Variants in SEC14L1 observed in about 807,000 individuals in gnomAD.
SEC14L1 encodes the protein SEC14-like protein 1.
SEC14L1 carries 48 observed loss-of-function variants against 85.3 expected under a neutral mutation model. That is an observed-to-expected ratio of 0.56 (90% confidence interval 0.45 to 0.72). The LOEUF (loss-of-function observed/expected upper bound fraction) is 0.72. Among genes scored for constraint, SEC14L1 ranks in the 30% least tolerant of loss-of-function variants. The pLI, the probability that SEC14L1 is intolerant of heterozygous loss-of-function variation, is 0.00. For missense variants in SEC14L1, 682 were observed against 921.4 expected, an observed-to-expected ratio of 0.74 and a Z score of 3.36; for synonymous variants, 391 against 355.5, an observed-to-expected ratio of 1.10 and a Z score of -1.12.
Position 77,215,673 on chromosome 17 carries a change from G to C in SEC14L1, c.*1650G>C. 1.0e-6 allele frequency: 1 copy of C among 992,404 alleles called. No individual in the cohort carries two copies. The highest frequency in any genetic ancestry group is 1.2e-6 in the Non-Finnish European group (1 of 833,326). The allele number at this position is 992,404 out of a possible 1,614,324, so 61.5% of individuals were successfully genotyped here. ...ATTTGTGTTTGCTCTTAGAGATCGA[G>C]CTCCTCAGTGGTACCTGAAGCCTTT... On this transcript the variant is annotated 3_prime_UTR_variant, in exon 17 of 17. Transcript: ENST00000436233.
chr17:77,177,941 G>A (rs1234532091), intron 3 of SEC14L1, among the ~76,000 whole-genome samples: 1 of 152,098 alleles, frequency 6.6e-6, no homozygotes, highest in Non-Finnish European at 1.5e-5. Context: ...TTGGGGGACA[G>A]AGTTGGGGGT....
chr17:77,134,400 C>T (rs1972724332), intron 3 of SEC14L1, among the ~76,000 whole-genome samples: 1 of 152,038 alleles, frequency 6.6e-6, no homozygotes, highest in Non-Finnish European at 1.5e-5. Flanking sequence ...TAGATGCGAG[C>T]CACCATGACC....
intron 3 of SEC14L1, among the ~76,000 whole-genome samples, chr17:77,124,184 C>A (rs1261928326): frequency 6.6e-6 from 1 of 152,082 alleles, no homozygotes; most frequent in Non-Finnish European, 1.5e-5. Context: ...GGCAACATGG[C>A]AAGACACTGT....
chr17:77,101,605 C>A (rs1197343053), intron 3 of SEC14L1, among the ~76,000 whole-genome samples: 1 of 152,214 alleles, frequency 6.6e-6, no homozygotes, highest in Admixed American at 6.5e-5. Flanking sequence ...GCTTCCCAAA[C>A]AATTTGCAAA....
At chr17:77,207,542 C>T (rs1976528853) in intron 13 of SEC14L1, among the ~76,000 whole-genome samples, 3 of 152,126 alleles carry the variant, frequency 2.0e-5, no homozygotes, top group African/African-American at 7.2e-5. Flanking sequence ...GCCTCCGCCT[C>T]CCAGATTCAA....
intron 2 of SEC14L1, among the ~76,000 whole-genome samples, chr17:77,090,322 A>G (rs1177652260): frequency 2.0e-5 from 3 of 151,666 alleles, no homozygotes; most frequent in Non-Finnish European, 2.9e-5. Flanking sequence ...AATTCAAGCC[A>G]AAGTGAGTGC....
intron 3 of SEC14L1, 29 bp downstream of exon 3, chr17:77,143,688 T>G (rs1456884524): frequency 1.3e-6 from 2 of 1,503,836 alleles, no homozygotes; most frequent in Admixed American, 3.4e-5. Flanking sequence ...AATTTACTCT[T>G]TGGCTTCTTA....
chr17:77,106,346 A>G (rs1971914669), intron 3 of SEC14L1, among the ~76,000 whole-genome samples: 1 of 152,176 alleles, frequency 6.6e-6, no homozygotes. Context: ...AGCCTGGCCA[A>G]TATGGTGAAA....
intron 9 of SEC14L1, among the ~76,000 whole-genome samples, chr17:77,201,240 G>A (rs955333399): frequency 3.9e-5 from 6 of 152,064 alleles, no homozygotes; most frequent in Non-Finnish European, 5.9e-5. Flanking sequence ...AGGAAGACCT[G>A]CACTGTCAAA....
rs1977093167 is a variant in SEC14L1, at chr17:77,216,370, AGTAG to A, written c.*2353_*2356del. 9 of 1,331,694 alleles carry A rather than the reference AGTAG, an allele frequency of 6.8e-6. 1 individual carries two copies. The highest frequency in any genetic ancestry group is 3.6e-5 in the Admixed American group (1 of 27,464). 82.5% of individuals were successfully genotyped at this position (1,331,694 alleles called of 1,614,324 possible). ...GTAGGTAGGGCTAGTAGGTAGGGCT[AGTAG>A]GTAGGGCTAGTAGGTAGGGCTAGTA... is the stretch of plus-strand genomic sequence containing the variant. On this transcript the variant is annotated 3_prime_UTR_variant, in exon 17 of 17. Transcript: ENST00000436233.
chr17:77,145,255 A>G (rs1242593793), intron 3 of SEC14L1, among the ~76,000 whole-genome samples: 1 of 151,750 alleles, frequency 6.6e-6, no homozygotes, highest in Non-Finnish European at 1.5e-5. Flanking sequence ...TGGCCTTCCA[A>G]AGTGCTGGGA....
chr17:77,118,043 C>T (rs771201944), intron 3 of SEC14L1, among the ~76,000 whole-genome samples: 7 of 152,214 alleles, frequency 4.6e-5, no homozygotes, highest in African/African-American at 7.2e-5. Context: ...AACTGGACAG[C>T]GGGAATCATT....
In SEC14L1 at chr17:77,213,998, A is replaced by T. The variant is rs1369928142; in HGVS notation, c.2123A>T (p.His708Leu). ...GCCACCACCTCCTCCAGCCAGTCCC[A>T]CTCCAGCTCCATGATCTCCAGGTAG... ...SAATTSSSQS[H>L]SSSMISR is the part of the protein sequence containing the mutation. Residue 708 changes from histidine (H) to leucine (L), a missense_variant, in exon 17 of 17, where the codon CAC becomes CTC. This residue lies in a region of SEC14L1 where 420 missense variants were observed against 619.5 expected (regional missense o/e 0.68). Transcript: ENST00000436233. The surrounding 1 kb of genome is among the most constrained non-coding windows in gnomAD (Gnocchi z 7.1). 1.2e-6 allele frequency: 2 copies of T among 1,612,776 alleles called. No individual in the cohort carries two copies. Among genetic ancestry groups the T allele is most frequent in the Admixed American group, 1.7e-5 (1 of 59,960 alleles).
chr17:77,143,645 GAATT>G lies in SEC14L1; in HGVS notation c.55_58del (p.Ile19TrpfsTer13). 6.2e-7 allele frequency: 1 copy of G among 1,611,308 alleles called. No homozygotes were observed. Among genetic ancestry groups the G allele is most frequent in the Non-Finnish European group, 8.5e-7 (1 of 1,177,746 alleles). On this transcript the variant is annotated frameshift_variant, in exon 3 of 17. Coordinates refer to ENST00000436233, the MANE Select transcript of SEC14L1 (RefSeq NM_001143998.2). LOFTEE classifies it high-confidence loss of function. ...AGTGAGGGTGTACAAATACCCCTTT[GAATT>G]AATTATGGCTGTAAGTACTTGACAT...
chr17:77,153,427 C>A lies in SEC14L1; in HGVS notation c.63+9768C>A, dbSNP rs183140670. On this transcript the variant is annotated intron_variant, in intron 3 of 16. Transcript: ENST00000436233. ...AAACTAATAGTTAAAACCAGCTGCTCCCCTTTTCTTCCTAGGATTGTTCTA... is the reference window on the plus strand; with the variant it reads ...AAACTAATAGTTAAAACCAGCTGCTACCCTTTTCTTCCTAGGATTGTTCTA... Among the ~76,000 whole-genome samples the A allele has an allele frequency of 2.9e-3, 442 of 152,230 alleles. 1 individual carries two copies. The highest frequency in any genetic ancestry group is 5.3e-3 in the Non-Finnish European group (361 of 68,010).
intron 3 of SEC14L1, chr17:77,099,065 G>A (rs1289984027): frequency 6.6e-6 from 1 of 152,072 alleles, no homozygotes; most frequent in Admixed American, 6.6e-5. Flanking sequence ...TATTGCAATG[G>A]TAATGAAAGG....
intron 3 of SEC14L1, among the ~76,000 whole-genome samples, chr17:77,180,046 TTGTTATGTTATGTTATGTTA>T (rs67421763): frequency 3.7e-4 from 45 of 121,102 alleles, no homozygotes; most frequent in East Asian, 1.5e-3. Context: ...ATGTTTTGTT[TTGTTATGTTATGTTATGTTA>T]TGTTATGTTA....
chr17:77,115,094 A>G lies in SEC14L1; in HGVS notation c.-136+21747A>G, dbSNP rs1007423312. On this transcript the variant is annotated intron_variant, in intron 3 of 19. Transcript: ENST00000392476. ...GGAAATGCAAACGTGGGTGTTTTAT[A>G]TAACTTGCAGCCCCTGCATCTGCAG... 1.2e-4 allele frequency among the ~76,000 whole-genome samples: 19 copies of G among 152,144 alleles called. 2 individuals carry two copies. Among genetic ancestry groups the G allele is most frequent in the African/African-American group, 2.4e-5 (1 of 41,432 alleles).
At chr17:77,207,200 T>C (rs1039797948) in intron 13 of SEC14L1, among the ~76,000 whole-genome samples, 1 of 152,136 alleles carries the variant, frequency 6.6e-6, no homozygotes, top group Non-Finnish European at 1.5e-5. Context: ...GTTAAAAAAT[T>C]GAATCAGTTC....
Sources: allele counts gnomAD v4.1 joint callset (sites outside exome capture counted in the v4.1 genomes callset), GRCh38; gene constraint gnomAD v4.1.1; regional missense constraint gnomAD v4.1.1; non-coding constraint Gnocchi (gnomAD v3.1); transcripts MANE v1.5; gene names NCBI Gene and HGNC (gene_info 2026-07-23, HGNC 2026-07-21).